The following BBS4 variants were observed in gnomAD, a reference collection of about 807,000 sequenced individuals.
BBS4 encodes Bardet-Biedl syndrome 4.
In BBS4, 58 loss-of-function variants were observed where a neutral mutation model predicts 71.4. That is an observed-to-expected ratio of 0.81 (90% CI 0.66 to 1.01). The LOEUF is 1.01. Among genes scored for constraint, BBS4 ranks in the 50% least tolerant of loss-of-function variants. BBS4 has a pLI of 0.00. For missense variants in BBS4, 660 were observed against 607.9 expected, an observed-to-expected ratio of 1.09 and a Z score of -0.90; for synonymous variants, 228 against 216.8, an observed-to-expected ratio of 1.05 and a Z score of -0.46.
At chr15:72,736,697 G>C in intron 14 of BBS4, 65 bp from the exon 15 acceptor site, 1 of 1,533,510 alleles carries the variant, frequency 6.5e-7, no homozygotes, top group Non-Finnish European at 9.0e-7. Context: ...GAAGACCAAA[G>C]AAGTGGGTTG....
chr15:72,737,130 C>T, intron 15 of BBS4, 167 bp downstream of exon 15: 2 of 817,178 alleles, frequency 2.4e-6, no homozygotes, highest in Non-Finnish European at 4.0e-6. Context: ...GCACTTGTTT[C>T]CTTAAGGCGA....
At chr15:72,715,253 T>G in intron 4 of BBS4, 38 bp from the exon 5 acceptor site, 2 of 1,501,028 alleles carry the variant, frequency 1.3e-6, no homozygotes, top group Non-Finnish European at 1.9e-6. Context: ...TCCCAGAACA[T>G]GGTTTTACTT....
chr15:72,693,639 A>G (rs987564483), intron 1 of BBS4, among the ~76,000 whole-genome samples: 4 of 152,208 alleles, frequency 2.6e-5, no homozygotes, highest in Non-Finnish European at 5.9e-5. Context: ...CATGTGTTAA[A>G]AATTATTATT....
chr15:72,688,299 ATTG>A (rs1378606692), intron 1 of BBS4, among the ~76,000 whole-genome samples: 3 of 151,140 alleles, frequency 2.0e-5, no homozygotes, highest in African/African-American at 7.3e-5. Context: ...AACTGTTTTC[ATTG>A]TTGTCAAATT....
At chr15:72,731,159 T>C (rs1282397692) in intron 10 of BBS4, 146 bp from the exon 11 acceptor site, 1 of 696,752 alleles carries the variant, frequency 1.4e-6, no homozygotes, top group Non-Finnish European at 2.3e-6. Context: ...TTTGTCCCAA[T>C]AGGTTGGATA....
At chr15:72,698,923 C>T (rs1410050170) in intron 2 of BBS4, among the ~76,000 whole-genome samples, 1 of 151,850 alleles carries the variant, frequency 6.6e-6, no homozygotes, top group Non-Finnish European at 1.5e-5. Context: ...TTAGTTGTTA[C>T]CTAATTCACC....
In BBS4 at chr15:72,686,262, A is replaced by T; in HGVS notation, c.24+11A>T. 6.4e-7 allele frequency: 1 copy of T among 1,564,640 alleles called. No individual in the cohort carries two copies. The highest frequency in any genetic ancestry group is 1.4e-5 in the African/African-American group (1 of 73,770). On this transcript the variant is annotated intron_variant, in intron 1 of 15. Coordinates refer to ENST00000268057, the MANE Select transcript of BBS4 (RefSeq NM_033028.5). ...GAGAGAGTCGCGACGGTGAGCGCCG[A>T]GATTCTCTTTAGTTGCCCGGCCGCA...
chr15:72,704,492 A>G (rs1466707674), intron 2 of BBS4: 2 of 1,261,540 alleles, frequency 1.6e-6, no homozygotes, highest in African/African-American at 1.5e-5. Flanking sequence ...GTAAAATTCT[A>G]ATTGTAAATT....
chr15:72,715,525 T>G, intron 5 of BBS4, 123 bp downstream of exon 5: 1 of 753,100 alleles, frequency 1.3e-6, no homozygotes, highest in Non-Finnish European at 2.4e-6. Context: ...AATGGTTTAA[T>G]AGGTACAGTG....
chr15:72,734,934 A>G, intron 12 of BBS4, 179 bp from the exon 13 acceptor site: 1 of 622,284 alleles, frequency 1.6e-6, no homozygotes, highest in South Asian at 1.6e-5. Flanking sequence ...GGATGCATAG[A>G]ACCTGGCAAC....
chr15:72,709,155 C>G (rs964038803), intron 2 of BBS4, among the ~76,000 whole-genome samples: 1 of 152,154 alleles, frequency 6.6e-6, no homozygotes, highest in Non-Finnish European at 1.5e-5. Flanking sequence ...TTTTGAAATC[C>G]TTAATAAACA....
intron 1 of BBS4, chr15:72,686,547 G>A (rs1338615430): frequency 1.4e-6 from 2 of 1,474,598 alleles, no homozygotes; most frequent in Non-Finnish European, 1.8e-6. Context: ...ATCTTTTTCT[G>A]TCTCGGGGGT....
chr15:72,737,183 G>A, intron 15 of BBS4: 1 of 634,926 alleles, frequency 1.6e-6, no homozygotes, highest in South Asian at 1.9e-5. Context: ...TAGTTGGATG[G>A]TCTATACACT....
At chr15:72,726,508 A>C (rs2065706061) in intron 8 of BBS4, among the ~76,000 whole-genome samples, 1 of 152,214 alleles carries the variant, frequency 6.6e-6, no homozygotes, top group Admixed American at 6.5e-5. Flanking sequence ...TTCAAGGCTT[A>C]TTATTCCTAA....
rs144706746 is a variant in BBS4 at position 72,737,630 on chromosome 15, G to T, written c.*43G>T. The T allele has an allele frequency of 5.7e-3, 8,242 of 1,455,246 alleles. 33 individuals carry two copies. The highest frequency in any genetic ancestry group is 7.3e-3 in the Non-Finnish European group (7,730 of 1,059,420). 90.1% of individuals were successfully genotyped at this position (1,455,246 alleles called of 1,614,324 possible). ...CCAAAATAGGGTTTTCTTGGGCGAG[G>T]ATGTGCTGGATTAGGAAAGGTGACA... is the stretch of plus-strand genomic sequence containing the variant. On this transcript the variant is annotated 3_prime_UTR_variant, in exon 16 of 16. Transcript: ENST00000268057.
intron 15 of BBS4, 25 bp from the exon 16 acceptor site, chr15:72,737,453 A>C: frequency 6.4e-7 from 1 of 1,562,646 alleles, no homozygotes; most frequent in Non-Finnish European, 8.8e-7. Context: ...GAACATGAGG[A>C]TTCAAGTTTT....
At chr15:72,736,728 C>T in intron 14 of BBS4, 34 bp from the exon 15 acceptor site, 1 of 1,610,642 alleles carries the variant, frequency 6.2e-7, no homozygotes, top group South Asian at 1.1e-5. Flanking sequence ...GACAGTCACG[C>T]TTTTGATTCT....
At chr15:72,713,759 C>T (rs2065419766) in intron 4 of BBS4, among the ~76,000 whole-genome samples, 1 of 152,182 alleles carries the variant, frequency 6.6e-6, no homozygotes, top group South Asian at 2.1e-4. Context: ...GCTATGACGT[C>T]ACTGGGCAAT....
At position 72,722,870 on chromosome 15, in the gene BBS4, G is replaced by C. The variant is rs111885398; in HGVS notation, c.459+23G>C. 680 of 1,601,708 alleles carry C rather than the reference G, an allele frequency of 4.2e-4. 3 individuals carry two copies. The African/African-American group carries it at 6.7e-3, about 16-fold the overall frequency. On this transcript the variant is annotated intron_variant, in intron 7 of 15. Transcript: ENST00000268057. The stretch of plus-strand genomic sequence containing the variant: ...AAGGTAATTTATAGAAGTGGTGATA[G>C]ATTTCACTGAGGGTGCACTTGTTGC...
Sources: allele counts gnomAD v4.1 joint callset (sites outside exome capture counted in the v4.1 genomes callset), GRCh38; gene constraint gnomAD v4.1.1; transcripts MANE v1.5; gene names NCBI Gene and HGNC (gene_info 2026-07-23, HGNC 2026-07-21).